PTPRR: variants seen among roughly 807,000 people sequenced by gnomAD.
The protein encoded by PTPRR is protein tyrosine phosphatase receptor type R, also known as receptor-type tyrosine-protein phosphatase R.
A neutral mutation model predicts 77.2 loss-of-function variants in PTPRR; 38 were observed. The ratio of observed to expected loss-of-function variants is 0.49; its 90% CI spans 0.38 to 0.65. The LOEUF (loss-of-function observed/expected upper bound fraction) is 0.65, where lower values mean the gene tolerates loss of function less well. Among genes scored for constraint, PTPRR ranks in the 30% least tolerant of loss-of-function variants. The pLI is 0.00. For synonymous variants in PTPRR, 299 were observed against 283.1 expected (o/e 1.06, Z -0.57); for missense variants, 744 against 799.2 (o/e 0.93, Z 0.83).
At chr12:70,675,599 T>C (rs111251825) in intron 10 of PTPRR, among the ~76,000 whole-genome samples, 3,155 of 152,078 alleles carry the variant, frequency 0.021, 60 homozygotes, top group Admixed American at 0.038. Flanking sequence ...AGTATTTTAG[T>C]TTCACCTTCA....
intron 2 of PTPRR, among the ~76,000 whole-genome samples, chr12:70,786,671 C>A (rs1403769825): frequency 6.6e-6 from 1 of 152,166 alleles, no homozygotes; most frequent in Non-Finnish European, 1.5e-5. Context: ...TTATACATTT[C>A]CTTTCATTTT....
At chr12:70,919,519 A>G (rs1233810712) in intron 1 of PTPRR, among the ~76,000 whole-genome samples, 1 of 152,088 alleles carries the variant, frequency 6.6e-6, no homozygotes, top group Non-Finnish European at 1.5e-5. Flanking sequence ...GGTACTTCCC[A>G]AGGTTTGCTT....
chr12:70,690,584 T>C (rs996015459), intron 8 of PTPRR, among the ~76,000 whole-genome samples: 3 of 152,206 alleles, frequency 2.0e-5, no homozygotes, highest in African/African-American at 7.2e-5. Flanking sequence ...AGCCCTAAAT[T>C]GCTTATTGCA....
intron 2 of PTPRR, among the ~76,000 whole-genome samples, chr12:70,804,139 C>CTGTGTGTGTGTGTGTGTGTGTGTGTGTG (rs58442488): frequency 3.6e-5 from 5 of 137,250 alleles, no homozygotes; most frequent in Non-Finnish European, 7.8e-5. Flanking sequence ...GTTCCTGGCT[C>CTGTGTGTGTGTGTGTGTGTGTGTGTGTG]TGTGTGTGTG....
At chr12:70,817,243 A>G (rs1891919928) in intron 2 of PTPRR, among the ~76,000 whole-genome samples, 1 of 152,224 alleles carries the variant, frequency 6.6e-6, no homozygotes, top group Non-Finnish European at 1.5e-5. Flanking sequence ...AGTTACTTAA[A>G]GAGCTTAAAA....
At chr12:70,686,104 T>G (rs1019704999) in intron 8 of PTPRR, among the ~76,000 whole-genome samples, 1 of 152,310 alleles carries the variant, frequency 6.6e-6, no homozygotes, top group South Asian at 2.1e-4. Context: ...TTCAGCTTCC[T>G]TTCTCAGTGG....
chr12:70,808,638 T>C (rs1891753722), intron 2 of PTPRR, among the ~76,000 whole-genome samples: 1 of 152,136 alleles, frequency 6.6e-6, no homozygotes, highest in South Asian at 2.1e-4. Context: ...AGTTAGACCA[T>C]TTGTCAAAGC....
intron 2 of PTPRR, among the ~76,000 whole-genome samples, chr12:70,846,558 G>T (rs1260856461): frequency 2.0e-5 from 3 of 152,198 alleles, no homozygotes; most frequent in African/African-American, 7.2e-5. Context: ...CAAGGTGATA[G>T]TGTTAGGAGG....
intron 2 of PTPRR, among the ~76,000 whole-genome samples, chr12:70,846,940 A>G (rs2137065324): frequency 6.6e-6 from 1 of 152,124 alleles, no homozygotes; most frequent in Non-Finnish European, 1.5e-5. Flanking sequence ...GAAATTGCTT[A>G]TGGGTATCTG....
intron 6 of PTPRR, among the ~76,000 whole-genome samples, chr12:70,739,057 T>C (rs1473212859): frequency 6.6e-6 from 1 of 152,230 alleles, no homozygotes; most frequent in Non-Finnish European, 1.5e-5. Flanking sequence ...ATAAATTACA[T>C]GTAACTGTAT....
intron 6 of PTPRR, among the ~76,000 whole-genome samples, chr12:70,701,671 C>A (rs2089975): frequency 0.14 from 20,700 of 152,006 alleles, 1,782 homozygotes; most frequent in East Asian, 0.29. Context: ...CTGAGTGAAT[C>A]CCTAAAAAAT....
intron 10 of PTPRR, among the ~76,000 whole-genome samples, chr12:70,682,246 T>C (rs1887701782): frequency 6.6e-6 from 1 of 151,448 alleles, no homozygotes; most frequent in Non-Finnish European, 1.5e-5. Context: ...GGTTTCACCG[T>C]GTTAGCCAGG....
At chr12:70,815,946 C>T (rs557949803) in intron 2 of PTPRR, among the ~76,000 whole-genome samples, 2 of 152,156 alleles carry the variant, frequency 1.3e-5, no homozygotes, top group East Asian at 3.9e-4. Context: ...GCTGTTTTTT[C>T]CCTATTTCCT....
chr12:70,896,982 G>A (rs1592821606), intron 1 of PTPRR, among the ~76,000 whole-genome samples: 3 of 151,750 alleles, frequency 2.0e-5, no homozygotes, highest in Non-Finnish European at 4.4e-5. Context: ...TCTCTGTTTT[G>A]GTACCAGTAC....
Position 70,786,882 on chromosome 12 carries a change from T to TC in PTPRR, c.358-22105dup, listed in dbSNP as rs534695189. Among the ~76,000 whole-genome samples, 16 of 152,352 alleles carry TC rather than the reference T, an allele frequency of 1.1e-4. No homozygotes were observed. The South Asian group carries it at 3.3e-3, about 32-fold the overall frequency. On this transcript the variant is annotated intron_variant, in intron 2 of 13. Coordinates refer to ENST00000283228, the MANE Select transcript of PTPRR (RefSeq NM_002849.4). The stretch of plus-strand genomic sequence containing the variant: ...TTTTTTCTTAGTAATCCTGATTTTT[T>TC]CTGTCATGGGGGAATTAATAATTTT...
chr12:70,751,570 G>T (rs921647890), intron 5 of PTPRR, among the ~76,000 whole-genome samples: 2 of 152,164 alleles, frequency 1.3e-5, no homozygotes, highest in East Asian at 1.9e-4. Flanking sequence ...CTGCCTAGGG[G>T]TCCTTTACTC....
intron 10 of PTPRR, among the ~76,000 whole-genome samples, chr12:70,675,892 C>CTT (rs1047296484): frequency 6.4e-5 from 9 of 141,594 alleles, no homozygotes; most frequent in African/African-American, 2.3e-4. Flanking sequence ...ATAGAAAAGC[C>CTT]TTTTTTTTTT....
chr12:70,834,010 T>C (rs948720481), intron 2 of PTPRR, among the ~76,000 whole-genome samples: 14 of 152,072 alleles, frequency 9.2e-5, no homozygotes, highest in Non-Finnish European at 4.4e-5. Flanking sequence ...GGCACATTTG[T>C]AGGGAACAGG....
At chr12:70,835,754 G>A (rs1172568087) in intron 2 of PTPRR, among the ~76,000 whole-genome samples, 1 of 152,090 alleles carries the variant, frequency 6.6e-6, no homozygotes, top group African/African-American at 2.4e-5. Context: ...AATTTCAGAT[G>A]TGTCAAAATG....
Sources: gnomAD v4.1 joint callset for allele counts (sites outside exome capture counted in the v4.1 genomes callset) on GRCh38, gnomAD v4.1.1 for gene constraint, MANE v1.5 for transcripts, NCBI Gene and HGNC (gene_info 2026-07-23, HGNC 2026-07-21) for gene names.